Variants in OGG1 observed in about 807,000 individuals in gnomAD.
OGG1 encodes the protein 8-oxoguanine DNA glycosylase.
OGG1 carries 35 observed loss-of-function variants against 42.3 expected under a neutral mutation model. That is an observed-to-expected ratio of 0.83 (90% CI 0.63 to 1.10). OGG1 has a LOEUF of 1.10. OGG1 is among the 50% of genes least tolerant of loss of function. The pLI is 0.00. For missense variants in OGG1, 484 were observed against 446.7 expected, an observed-to-expected ratio of 1.08 and a Z score of -0.75; for synonymous variants, 189 against 179.0, an observed-to-expected ratio of 1.06 and a Z score of -0.44.
chr3:9,783,955 C>A (rs1056467750), intron 3 of OGG1: 2 of 1,503,960 alleles, frequency 1.3e-6, no homozygotes, highest in South Asian at 1.3e-5. Context: ...GTTGTAAAAC[C>A]CCTGAAAGGT....
downstream of OGG1, chr3:9,759,336 T>A: frequency 1.3e-6 from 2 of 1,564,292 alleles, no homozygotes; most frequent in Non-Finnish European, 1.8e-6. Context: ...GTTTGTTGAA[T>A]GAAAGAGTGA....
chr3:9,785,437 C>G (rs2078584646), intron 3 of OGG1: 3 of 1,585,868 alleles, frequency 1.9e-6, no homozygotes, highest in Non-Finnish European at 2.6e-6. Context: ...TAGAAGACCA[C>G]AAAAATGAGT....
At chr3:9,789,401 G>A (rs1178812461), downstream of OGG1, 1 of 1,004,846 alleles carries the variant, frequency 1.0e-6, no homozygotes, top group East Asian at 2.6e-5. Flanking sequence ...CAGCAGACTG[G>A]GCAGGGTTGG....
At chr3:9,763,706 C>T (rs891828406) in intron 7 of OGG1, among the ~76,000 whole-genome samples, 2 of 152,166 alleles carry the variant, frequency 1.3e-5, no homozygotes, top group Admixed American at 6.6e-5. Context: ...AGTTTTCTGG[C>T]TAGGCACAGA....
downstream of OGG1, chr3:9,761,555 G>A (rs1291279958): frequency 3.5e-5 from 56 of 1,613,244 alleles, no homozygotes; most frequent in Non-Finnish European, 4.2e-5. Flanking sequence ...GGAAGAGGAC[G>A]TGGTGGTGAC....
downstream of OGG1, chr3:9,761,638 TC>T: frequency 6.2e-7 from 1 of 1,614,038 alleles, no homozygotes; most frequent in Non-Finnish European, 8.5e-7. Flanking sequence ...CACCCACGTA[TC>T]CCGGAGTTCC....
downstream of OGG1, chr3:9,759,485 C>T (rs1380008543): frequency 6.2e-7 from 1 of 1,614,192 alleles, no homozygotes. Context: ...GATATGGACT[C>T]ACCTTCCACT....
At chr3:9,787,359 C>T (rs1476231105) in intron 3 of OGG1, 1 of 1,596,202 alleles carries the variant, frequency 6.3e-7, no homozygotes, top group Non-Finnish European at 8.5e-7. Context: ...AAGATGGCAC[C>T]CAACCCTGAG....
Position 9,756,458 on chromosome 3 carries a change from G to T in OGG1, c.748-13G>T. On this transcript the variant is annotated splice_polypyrimidine_tract_variant and intron_variant, in intron 4 of 6. Coordinates refer to ENST00000344629, the MANE Select transcript of OGG1 (RefSeq NM_002542.6). ...CCCTTCTTCCACAAGGGCTCATTCT[G>T]TGTCTGTCAAAGGTGGCTGACTGCA... The T allele has an allele frequency of 2.5e-6, 4 of 1,614,138 alleles. No homozygotes were observed. Among genetic ancestry groups the T allele is most frequent in the Non-Finnish European group, 3.4e-6 (4 of 1,180,004 alleles).
chr3:9,754,949 C>G, intron 4 of OGG1, 64 bp downstream of exon 4: 1 of 1,434,924 alleles, frequency 7.0e-7, no homozygotes, highest in Non-Finnish European at 9.6e-7. Flanking sequence ...AGGAAATGAG[C>G]CAAGCCTGGG....
chr3:9,782,866 T>C (rs2078511924), intron 3 of OGG1, among the ~76,000 whole-genome samples: 2 of 151,768 alleles, frequency 1.3e-5, no homozygotes, highest in African/African-American at 4.8e-5. Flanking sequence ...GACACAGCAC[T>C]TGTCTGTGAG....
chr3:9,772,130 T>A (rs1575277571), intron 2 of OGG1, among the ~76,000 whole-genome samples: 1 of 152,204 alleles, frequency 6.6e-6, no homozygotes. Flanking sequence ...CTTGTACAGC[T>A]TCTATGGTGT....
chr3:9,750,053 A>G lies in OGG1; in HGVS notation c.-234A>G, dbSNP rs1428513183. ...AGATAAGTCGCAAGGAGGGGGCGGG[A>G]CCTACACCTCAGGAAAGCCGGAGAA... On this transcript the variant is annotated 5_prime_UTR_variant, in exon 1 of 7. Transcript: ENST00000344629. 3.4e-6 allele frequency: 2 copies of G among 589,402 alleles called. No homozygotes were observed. Among genetic ancestry groups the G allele is most frequent in the African/African-American group, 1.9e-5 (1 of 53,664 alleles). 36.5% of individuals were successfully genotyped at this position (589,402 alleles called of 1,614,324 possible).
intron 2 of OGG1, chr3:9,780,631 A>G (rs1033064281): frequency 2.1e-6 from 3 of 1,425,470 alleles, no homozygotes; most frequent in African/African-American, 2.8e-5. Context: ...GAGCCTACCC[A>G]CCAGCCCAGG....
chr3:9,757,286 C>A lies in OGG1; in HGVS notation c.*136C>A. ...CCTCAAAGGCCAGGCACCCCCAAAT[C>A]AAGCAGTCAGTTTGCACAACAAGAT... On this transcript the variant is annotated 3_prime_UTR_variant, in exon 7 of 7. Coordinates refer to ENST00000344629, the MANE Select transcript of OGG1 (RefSeq NM_002542.6). The surrounding 1 kb of genome is among the most constrained non-coding windows in gnomAD (Gnocchi z 4.5). 6.2e-7 allele frequency: 1 copy of A among 1,614,170 alleles called. No homozygotes were observed. Among genetic ancestry groups the A allele is most frequent in the Non-Finnish European group, 8.5e-7 (1 of 1,180,030 alleles).
chr3:9,757,772 C>T (rs1421161957), downstream of OGG1: 1 of 1,614,116 alleles, frequency 6.2e-7, no homozygotes, highest in South Asian at 1.1e-5. The surrounding 1 kb of genome is among the most constrained non-coding windows in gnomAD (Gnocchi z 4.5). Context: ...TCGCCGTCTG[C>T]CCCTGCCCCT....
chr3:9,759,100 A>G (rs2125566602), downstream of OGG1: 1 of 1,095,164 alleles, frequency 9.1e-7, no homozygotes, highest in Non-Finnish European at 1.4e-6. Context: ...CAGCCCCTCC[A>G]GTCTGGCCAG....
At chr3:9,757,670 T>C, downstream of OGG1, 1 of 1,613,982 alleles carries the variant, frequency 6.2e-7, no homozygotes, top group Non-Finnish European at 8.5e-7. The surrounding 1 kb of genome is among the most constrained non-coding windows in gnomAD (Gnocchi z 4.5). Flanking sequence ...GGCCCTCCAC[T>C]CCAGCCCGGG....
chr3:9,771,810 C>CT lies in OGG1; in HGVS notation c.295-9677dup, dbSNP rs5846644. Among the ~76,000 whole-genome samples the CT allele has an allele frequency of 4.9e-3, 324 of 66,764 alleles. 19 individuals carry two copies. The highest frequency in any genetic ancestry group is 8.6e-3 in the East Asian group (16 of 1,866). 43.8% of individuals were successfully genotyped at this position (66,764 alleles called of 152,430 possible). On this transcript the variant is annotated intron_variant, in intron 2 of 3. Transcript: ENST00000426518. The stretch of plus-strand genomic sequence containing the variant: ...GTCCTTTCGAGGACTTGTACAACTT[C>CT]TTTTTTTTTTTTTTTTTTTTTTTTT...
Sources: allele counts gnomAD v4.1 joint callset (sites outside exome capture counted in the v4.1 genomes callset), GRCh38; gene constraint gnomAD v4.1.1; non-coding constraint Gnocchi (gnomAD v3.1); transcripts MANE v1.5; gene names NCBI Gene and HGNC (gene_info 2026-07-23, HGNC 2026-07-21).